The following ZNF804A variants were observed in gnomAD, a reference collection of about 807,000 sequenced individuals.
The protein encoded by ZNF804A is zinc finger protein 804A.
A neutral mutation model predicts 16.5 loss-of-function variants in ZNF804A; 2 were observed. The observed-to-expected ratio is 0.12, with a 90% CI of 0.05 to 0.38. ZNF804A has a LOEUF of 0.38. Among genes scored for constraint, ZNF804A ranks in the 10% least tolerant of loss-of-function variants. The pLI is 0.99. For missense variants in ZNF804A, 1,473 were observed against 1,390.7 expected, an observed-to-expected ratio of 1.06 and a Z score of -0.94; for synonymous variants, 534 against 489.6, an observed-to-expected ratio of 1.09 and a Z score of -1.20.
intron 1 of ZNF804A, among the ~76,000 whole-genome samples, chr2:184,610,922 A>G (rs139204369): frequency 4.6e-5 from 7 of 152,322 alleles, no homozygotes; most frequent in Non-Finnish European, 1.0e-4. Flanking sequence ...TAATTTGGAC[A>G]CTATTAGTAT....
At chr2:184,735,955 ATT>A (rs1693599757) in intron 1 of ZNF804A, among the ~76,000 whole-genome samples, 1 of 152,202 alleles carries the variant, frequency 6.6e-6, no homozygotes, top group Admixed American at 6.5e-5. Flanking sequence ...TAGATGATTT[ATT>A]TTTATATTTC....
At chr2:184,665,240 A>G (rs1399165323) in intron 1 of ZNF804A, among the ~76,000 whole-genome samples, 1 of 152,178 alleles carries the variant, frequency 6.6e-6, no homozygotes, top group Non-Finnish European at 1.5e-5. Context: ...ACAATAAGGA[A>G]CTAGCACTAA....
In ZNF804A at chr2:184,841,518, G is replaced by A. The variant is rs762148893; in HGVS notation, c.112-24851G>A. On this transcript the variant is annotated intron_variant, in intron 1 of 3. Transcript: ENST00000302277. ...GGTTTTTAACAATTTATAATGACTA[G>A]TAAAACAGCATTACTAATCTACTCC... 1.5e-3 allele frequency among the ~76,000 whole-genome samples: 226 copies of A among 151,964 alleles called. 1 individual carries two copies. The highest frequency in any genetic ancestry group is 1.8e-3 in the Non-Finnish European group (124 of 67,986).
chr2:184,632,411 T>C (rs1340706319), intron 1 of ZNF804A, among the ~76,000 whole-genome samples: 6 of 152,210 alleles, frequency 3.9e-5, no homozygotes, highest in African/African-American at 1.4e-4. Context: ...GTTGCTTGTT[T>C]GTTTATTTTT....
At chr2:184,911,680 C>A (rs1052615646) in intron 2 of ZNF804A, among the ~76,000 whole-genome samples, 6 of 146,110 alleles carry the variant, frequency 4.1e-5, no homozygotes, top group East Asian at 1.9e-4. Flanking sequence ...CTTGTGGAGA[C>A]CTTTCACCTC....
chr2:184,936,151 T>C lies in ZNF804A; in HGVS notation c.755T>C (p.Phe252Ser). ...VGKGFSRKSRFVPSACHLQQS... is the reference protein window; with the variant it reads ...VGKGFSRKSRSVPSACHLQQS... ...AAAGGATTTAGCAGAAAAAGTAGAT[T>C]TGTCCCCAGTGCTTGTCATCTTCAA... The change falls in exon 4 of 4, where the codon TTT becomes TCT. Residue 252 changes from phenylalanine (F) to serine (S), a missense_variant. Phe to Ser is a radical substitution (Grantham distance 155). Coordinates refer to ENST00000302277, the MANE Select transcript of ZNF804A (RefSeq NM_194250.2). 1 of 1,614,036 alleles carries C rather than the reference T, an allele frequency of 6.2e-7. No individual in the cohort carries two copies. Among genetic ancestry groups the C allele is most frequent in the South Asian group, 1.1e-5 (1 of 91,076 alleles).
chr2:184,706,269 T>A (rs1342304369), intron 1 of ZNF804A, among the ~76,000 whole-genome samples: 10 of 152,208 alleles, frequency 6.6e-5, no homozygotes, highest in Admixed American at 6.5e-4. Flanking sequence ...AGAAAGAGGC[T>A]GTAGTCCTGC....
intron 1 of ZNF804A, among the ~76,000 whole-genome samples, chr2:184,828,024 C>A (rs1276179124): frequency 6.6e-6 from 1 of 151,730 alleles, no homozygotes; most frequent in Non-Finnish European, 1.5e-5. Flanking sequence ...ATAAAAATTA[C>A]ATAAAACATC....
At chr2:184,758,251 T>A (rs1264178434) in intron 1 of ZNF804A, among the ~76,000 whole-genome samples, 1 of 151,942 alleles carries the variant, frequency 6.6e-6, no homozygotes, top group Non-Finnish European at 1.5e-5. Context: ...AAAAATAATA[T>A]CATTCAAGAT....
intron 1 of ZNF804A, among the ~76,000 whole-genome samples, chr2:184,638,185 A>G (rs1691733032): frequency 6.6e-6 from 1 of 152,204 alleles, no homozygotes; most frequent in Non-Finnish European, 1.5e-5. Context: ...TTTTCAAACT[A>G]TAACTCTTAT....
rs192871191 is a variant in ZNF804A, at chr2:184,611,608, T to A, written c.111+12538T>A. On this transcript the variant is annotated intron_variant, in intron 1 of 3. Coordinates refer to ENST00000302277, the MANE Select transcript of ZNF804A (RefSeq NM_194250.2). ...ATAATTTTGATAGCTGTAATTCCCT[T>A]GCAATGTCTTCTAGATTACTGAAGT... Among the ~76,000 whole-genome samples, 8 of 152,290 alleles carry A rather than the reference T, an allele frequency of 5.3e-5. No individual in the cohort carries two copies. The South Asian group carries it at 1.4e-3, about 28-fold the overall frequency.
At chr2:184,887,374 C>G (rs1196879430) in intron 2 of ZNF804A, among the ~76,000 whole-genome samples, 1 of 152,206 alleles carries the variant, frequency 6.6e-6, no homozygotes, top group African/African-American at 2.4e-5. Context: ...CCACATTTTC[C>G]TGTCTTCTTC....
chr2:184,766,536 C>CT (rs1293017452), intron 1 of ZNF804A, among the ~76,000 whole-genome samples: 1 of 150,688 alleles, frequency 6.6e-6, no homozygotes, highest in Non-Finnish European at 1.5e-5. Flanking sequence ...TACTTGGAAA[C>CT]TAATAAGATT....
At chr2:184,733,822 C>CTTTATTACT (rs1224849103) in intron 1 of ZNF804A, among the ~76,000 whole-genome samples, 1 of 151,630 alleles carries the variant, frequency 6.6e-6, no homozygotes, top group Non-Finnish European at 1.5e-5. Flanking sequence ...CATAGTATCC[C>CTTTATTACT]TTTATTACTC....
At chr2:184,877,474 C>A (rs545937607) in intron 2 of ZNF804A, among the ~76,000 whole-genome samples, 212 of 152,076 alleles carry the variant, frequency 1.4e-3, no homozygotes, top group Non-Finnish European at 1.8e-3. Context: ...CTAATCCTAT[C>A]AAGAACCAAA....
chr2:184,848,814 A>T (rs1267773677), intron 1 of ZNF804A, among the ~76,000 whole-genome samples: 1 of 152,080 alleles, frequency 6.6e-6, no homozygotes, highest in Non-Finnish European at 1.5e-5. Context: ...GAACAATTTT[A>T]ACTGAGGAAT....
At chr2:184,627,947 AC>A (rs1331325887) in intron 1 of ZNF804A, among the ~76,000 whole-genome samples, 1 of 152,252 alleles carries the variant, frequency 6.6e-6, no homozygotes, top group South Asian at 2.1e-4. Flanking sequence ...TATTTATTCA[AC>A]ATGGAGTTTC....
chr2:184,903,554 T>G (rs572767557), intron 2 of ZNF804A, among the ~76,000 whole-genome samples: 2 of 152,262 alleles, frequency 1.3e-5, no homozygotes, highest in South Asian at 4.1e-4. Context: ...CACCTAACAA[T>G]GCATTCCTCG....
In ZNF804A at chr2:184,866,420, G is replaced by A. The variant is rs750345786; in HGVS notation, c.163G>A (p.Ala55Thr). ...TIAKALEDLK[A>T]NFYCELCDKQ... ...AGCAAAAGCTCTGGAAGATCTGAAG[G>A]CAAATTTTTACTGTGAACTCTGTGA... The change falls in exon 2 of 4, where the codon GCA becomes ACA. Residue 55 changes from alanine (A) to threonine (T), a missense_variant. Ala to Thr is a moderately conservative substitution (Grantham distance 58). Coordinates refer to ENST00000302277, the MANE Select transcript of ZNF804A (RefSeq NM_194250.2). 86 of 1,612,962 alleles carry A rather than the reference G, an allele frequency of 5.3e-5. 1 individual carries two copies. In the South Asian group the frequency reaches 7.6e-4, roughly 14 times the overall value.
Sources: allele counts gnomAD v4.1 joint callset (sites outside exome capture counted in the v4.1 genomes callset), GRCh38; gene constraint gnomAD v4.1.1; transcripts MANE v1.5; gene names NCBI Gene and HGNC (gene_info 2026-07-23, HGNC 2026-07-21).